The following BBS12 variants were observed in gnomAD, a reference collection of about 807,000 sequenced individuals.
BBS12 encodes Bardet-Biedl syndrome 12.
Under a neutral mutation model 5.6 loss-of-function variants are expected in BBS12, and 5 were observed. The observed-to-expected ratio is 0.89, with a 90% CI of 0.46 to 1.86. BBS12 has a LOEUF of 1.86. Ranked by LOEUF, BBS12 falls within the 40% of genes most tolerant of loss-of-function variation. The pLI, the probability that BBS12 is intolerant of heterozygous loss-of-function variation, is 0.01. For missense variants in BBS12, 748 were observed against 830.4 expected, an observed-to-expected ratio of 0.90 and a Z score of 1.22; for synonymous variants, 308 against 306.8, an observed-to-expected ratio of 1.00 and a Z score of -0.04.
chr4:122,739,960 T>C (rs1800841350), intron 1 of BBS12, among the ~76,000 whole-genome samples: 1 of 152,190 alleles, frequency 6.6e-6, no homozygotes, highest in Non-Finnish European at 1.5e-5. Flanking sequence ...GACAGAGAAA[T>C]ATCTTTGTAA....
chr4:122,726,871 T>A, the BBS12 span, among the ~76,000 whole-genome samples: 369 of 152,288 alleles, frequency 2.4e-3, 3 homozygotes, highest in African/African-American at 8.5e-3. Flanking sequence ...CCAAACATCA[T>A]ATGTTCTCAC....
chr4:122,713,112 C>T, the BBS12 span, among the ~76,000 whole-genome samples: 2 of 152,050 alleles, frequency 1.3e-5, no homozygotes, highest in Non-Finnish European at 2.9e-5. Context: ...CACTTTTCGA[C>T]TTATTTATTA....
the BBS12 span, among the ~76,000 whole-genome samples, chr4:122,725,624 T>G: frequency 6.6e-6 from 1 of 152,092 alleles, no homozygotes. Context: ...CAAGGCCATG[T>G]GCAGTGGCTC....
At chr4:122,711,258 CA>C in the BBS12 span, among the ~76,000 whole-genome samples, 1 of 151,108 alleles carries the variant, frequency 6.6e-6, no homozygotes, top group Non-Finnish European at 1.5e-5. Flanking sequence ...AATGAGAACA[CA>C]AAATGCTAAC....
upstream of BBS12, chr4:122,729,453 T>C (rs1800669867): frequency 6.6e-6 from 1 of 152,158 alleles, no homozygotes; most frequent in Non-Finnish European, 1.5e-5. Context: ...AGTTAGAAAA[T>C]ACACAGTTAT....
At chr4:122,702,265 C>A in the BBS12 span, among the ~76,000 whole-genome samples, 1 of 152,174 alleles carries the variant, frequency 6.6e-6, no homozygotes, top group South Asian at 2.1e-4. Context: ...AGTAGAGATG[C>A]AGTCTTGCTC....
intron 1 of BBS12, among the ~76,000 whole-genome samples, chr4:122,734,929 A>G (rs1313459936): frequency 6.6e-6 from 1 of 152,210 alleles, no homozygotes; most frequent in African/African-American, 2.4e-5. Context: ...AGGCACTCTT[A>G]AATCTCCCAA....
At chr4:122,721,631 T>C in the BBS12 span, among the ~76,000 whole-genome samples, 2 of 152,360 alleles carry the variant, frequency 1.3e-5, no homozygotes, top group East Asian at 1.9e-4. Flanking sequence ...TGTTTGGTAG[T>C]TGATGCTAGC....
chr4:122,712,877 A>T, the BBS12 span, among the ~76,000 whole-genome samples: 1 of 152,216 alleles, frequency 6.6e-6, no homozygotes, highest in Non-Finnish European at 1.5e-5. Context: ...AAATATCAAA[A>T]CTTCCTTAAT....
At chr4:122,701,482 C>T in the BBS12 span, among the ~76,000 whole-genome samples, 24 of 152,168 alleles carry the variant, frequency 1.6e-4, no homozygotes, top group Admixed American at 1.6e-3. Flanking sequence ...ACATTTATGT[C>T]TGTCTGCATA....
At chr4:122,718,729 G>GAAAT in the BBS12 span, among the ~76,000 whole-genome samples, 1 of 151,764 alleles carries the variant, frequency 6.6e-6, no homozygotes, top group Non-Finnish European at 1.5e-5. Flanking sequence ...GAAATGAAAT[G>GAAAT]AAATGAAATG....
chr4:122,703,931 C>T, the BBS12 span, among the ~76,000 whole-genome samples: 1 of 152,092 alleles, frequency 6.6e-6, no homozygotes, highest in Admixed American at 6.6e-5. Context: ...TCATTGCAAC[C>T]TCAAACTCCT....
At chr4:122,736,719 A>G (rs1800788890) in intron 1 of BBS12, among the ~76,000 whole-genome samples, 1 of 152,186 alleles carries the variant, frequency 6.6e-6, no homozygotes, top group African/African-American at 2.4e-5. Context: ...TGCCAGAAGT[A>G]CTTATCATCT....
At chr4:122,733,859 C>CTTTTT (rs35729794) in intron 1 of BBS12, 60 of 97,140 alleles carry the variant, frequency 6.2e-4, no homozygotes, top group Non-Finnish European at 8.8e-4. Context: ...TAACTTTAGT[C>CTTTTT]TTTTTTTTTT....
the BBS12 span, among the ~76,000 whole-genome samples, chr4:122,707,451 T>C: frequency 6.6e-6 from 1 of 152,198 alleles, no homozygotes; most frequent in African/African-American, 2.4e-5. Context: ...GATCTATATA[T>C]CACATCTTAC....
chr4:122,737,841 T>C (rs1469400673), intron 1 of BBS12, among the ~76,000 whole-genome samples: 6 of 152,236 alleles, frequency 3.9e-5, no homozygotes, highest in Non-Finnish European at 8.8e-5. Flanking sequence ...ATCAGTGGAA[T>C]TGAATTGAGA....
chr4:122,716,567 A>C, the BBS12 span, among the ~76,000 whole-genome samples: 1,118 of 149,340 alleles, frequency 7.5e-3, 47 homozygotes, highest in Non-Finnish European at 0.013. Flanking sequence ...ATATGTATAT[A>C]TAAACATATG....
chr4:122,716,728 CACACACACGT>C, the BBS12 span, among the ~76,000 whole-genome samples: 1 of 57,148 alleles, frequency 1.7e-5, no homozygotes, highest in African/African-American at 8.4e-5. Flanking sequence ...TGTGTATATA[CACACACACGT>C]GTGTGTGTAT....
rs1478856090 is a variant in BBS12 at position 122,743,165 on chromosome 4, A to C, written c.1273A>C (p.Lys425Gln). 1 of 1,614,236 alleles carries C rather than the reference A, an allele frequency of 6.2e-7. No individual in the cohort carries two copies. Among genetic ancestry groups the C allele is most frequent in the Admixed American group, 1.7e-5 (1 of 60,036 alleles). ...AAATGTGTCCGAACGCTTAATTGAA[A>C]AATGTATAAACAGTAAGCGGTTGGT... Reference protein sequence around the residue: ...QGNVSERLIEKCINSKRLVIG... With the variant: ...QGNVSERLIEQCINSKRLVIG... The change falls in exon 2 of 2, where the codon AAA becomes CAA. Residue 425 changes from lysine to glutamine, a missense_variant. Coordinates refer to ENST00000314218, the MANE Select transcript of BBS12 (RefSeq NM_152618.3).
Sources: allele counts gnomAD v4.1 joint callset (sites outside exome capture counted in the v4.1 genomes callset), GRCh38; gene constraint gnomAD v4.1.1; transcripts MANE v1.5; gene names NCBI Gene and HGNC (gene_info 2026-07-23, HGNC 2026-07-21).